PAPOLA: variants seen among roughly 807,000 people sequenced by gnomAD.
PAPOLA encodes polynucleotide adenylyltransferase alpha.
PAPOLA carries 15 observed loss-of-function variants against 100.6 expected under a neutral mutation model. That is an observed-to-expected ratio of 0.15 (90% CI 0.10 to 0.23). The LOEUF is 0.23. PAPOLA is among the 10% of genes least tolerant of loss of function. The pLI is 1.00. For missense variants in PAPOLA, 533 were observed against 884.2 expected (o/e 0.60, Z 5.04); for synonymous variants, 293 against 300.0 (o/e 0.98, Z 0.24).
Position 96,565,520 on chromosome 14 carries a change from A to G in PAPOLA, c.*470A>G, listed in dbSNP as rs1902203373. 1 of 410,008 alleles carries G rather than the reference A, an allele frequency of 2.4e-6. No individual in the cohort carries two copies. The highest frequency in any genetic ancestry group is 4.0e-5 in the Admixed American group (1 of 25,202). The allele number at this position is 410,008 out of a possible 1,614,324, so 25.4% of individuals were successfully genotyped here. ...AATTTTCTTTACCATTAGTCTTCAA[A>G]TTGGATACTGTTGTGCAGTGGTGTA... On this transcript the variant is annotated 3_prime_UTR_variant, in exon 22 of 22. Coordinates refer to ENST00000216277, the MANE Select transcript of PAPOLA (RefSeq NM_032632.5).
Position 96,552,581 on chromosome 14 carries a change from T to G in PAPOLA, c.1623T>G (p.Ala541=). The change falls in exon 17 of 22, where the codon GCT becomes GCG. Residue 541 remains alanine (A), a synonymous_variant. Transcript: ENST00000216277. ...TGTCTGTGCCTTCACCTACTAGTGC[T>G]ACGAAGACCAGTCCATTGAACAGTT... ...NSMSVPSPTS[A]TKTSPLNSSG... 1 of 1,614,126 alleles carries G rather than the reference T, an allele frequency of 6.2e-7. No individual in the cohort carries two copies. Among genetic ancestry groups the G allele is most frequent in the South Asian group, 1.1e-5 (1 of 91,084 alleles).
intron 9 of PAPOLA, chr14:96,533,082 A>T: frequency 4.1e-6 from 4 of 978,820 alleles, no homozygotes; most frequent in Non-Finnish European, 4.9e-6. Flanking sequence ...AATATTAAAG[A>T]TACGAATTTT....
chr14:96,537,086 A>G (rs747420447), intron 12 of PAPOLA, 26 bp downstream of exon 12: 13 of 1,242,534 alleles, frequency 1.0e-5, no homozygotes, highest in Admixed American at 1.0e-4. Flanking sequence ...CATGTCGGAC[A>G]TGTTGCTCTC....
At chr14:96,559,581 C>CTCTCTCTCTCTATATATATATA (rs370979875) in intron 19 of PAPOLA, among the ~76,000 whole-genome samples, 2 of 120,182 alleles carry the variant, frequency 1.7e-5, no homozygotes, top group Admixed American at 1.6e-4. Context: ...CTCTCTCTCT[C>CTCTCTCTCTCTATATATATATA]TATATATATA....
chr14:96,552,829 G>A (rs1390816030), intron 17 of PAPOLA: 2 of 531,172 alleles, frequency 3.8e-6, no homozygotes, highest in Non-Finnish European at 6.7e-6. Context: ...TTTTGAGACT[G>A]ATAATGTCTT....
intron 19 of PAPOLA, among the ~76,000 whole-genome samples, chr14:96,557,942 T>G (rs1222587027): frequency 6.6e-6 from 1 of 152,116 alleles, no homozygotes; most frequent in African/African-American, 2.4e-5. Flanking sequence ...TGTGTCATTT[T>G]TATTGTTGTA....
intron 6 of PAPOLA, among the ~76,000 whole-genome samples, chr14:96,530,077 T>C (rs1898861930): frequency 6.6e-6 from 1 of 152,214 alleles, no homozygotes; most frequent in South Asian, 2.1e-4. Flanking sequence ...ATGTTTGCCT[T>C]ATATTTGAGT....
intron 9 of PAPOLA, 36 bp downstream of exon 9, chr14:96,532,685 G>T (rs1225376619): frequency 2.6e-6 from 4 of 1,537,110 alleles, no homozygotes; most frequent in Non-Finnish European, 2.6e-6. Context: ...AAAATTGATT[G>T]TAGACACTGA....
At chr14:96,525,715 A>G (rs1372752091) in intron 4 of PAPOLA, among the ~76,000 whole-genome samples, 1 of 152,160 alleles carries the variant, frequency 6.6e-6, no homozygotes, top group Non-Finnish European at 1.5e-5. Context: ...TTGCATTGCT[A>G]CACTTCAGCC....
chr14:96,502,945 T>G, intron 1 of PAPOLA: 9 of 283,060 alleles, frequency 3.2e-5, no homozygotes, highest in Admixed American at 5.1e-5. Flanking sequence ...AAACAAAACA[T>G]TGCCTGGTGG....
At chr14:96,559,118 G>A (rs1235186590) in intron 19 of PAPOLA, among the ~76,000 whole-genome samples, 1 of 151,632 alleles carries the variant, frequency 6.6e-6, no homozygotes. Flanking sequence ...GAAGATAAGG[G>A]GTATTAGGTT....
chr14:96,547,005 G>A (rs937863304), intron 15 of PAPOLA, among the ~76,000 whole-genome samples: 3 of 152,120 alleles, frequency 2.0e-5, no homozygotes, highest in Non-Finnish European at 2.9e-5. Flanking sequence ...TCCAGGCTGA[G>A]CTTCCTATCC....
chr14:96,542,406 G>C (rs1900064300), intron 13 of PAPOLA, 110 bp downstream of exon 13: 2 of 685,436 alleles, frequency 2.9e-6, no homozygotes, highest in Middle Eastern at 3.1e-4. Flanking sequence ...AGTTTGGTTT[G>C]ATTTGTTCAC....
chr14:96,520,888 A>G (rs1897906383), intron 2 of PAPOLA, 118 bp from the exon 3 acceptor site: 1 of 667,944 alleles, frequency 1.5e-6, no homozygotes, highest in Non-Finnish European at 2.8e-6. Context: ...TAACTACAAT[A>G]TACTGTGCTT....
chr14:96,529,289 G>T (rs1197369095), intron 6 of PAPOLA, among the ~76,000 whole-genome samples: 1 of 152,010 alleles, frequency 6.6e-6, no homozygotes. Flanking sequence ...CAAATTGGGG[G>T]AGACTTTGAA....
chr14:96,545,331 TAAGAGTC>T (rs1380686061), intron 15 of PAPOLA, among the ~76,000 whole-genome samples: 1 of 152,014 alleles, frequency 6.6e-6, no homozygotes, highest in Non-Finnish European at 1.5e-5. Flanking sequence ...GAAGATAACT[TAAGAGTC>T]AAGTGATTGC....
rs538906599 is a variant in PAPOLA, at chr14:96,518,360, A to T, written c.9-1695A>T. Among the ~76,000 whole-genome samples, 18 of 152,254 alleles carry T rather than the reference A, an allele frequency of 1.2e-4. 1 individual carries two copies. The South Asian group carries it at 3.5e-3, about 30-fold the overall frequency. On this transcript the variant is annotated intron_variant, in intron 1 of 21. Coordinates refer to ENST00000216277, the MANE Select transcript of PAPOLA (RefSeq NM_032632.5). ...CCCAGTGGATTTGTTCAGTAAATGTATCATAAGCCTTACTTGCATAGCATT... is the reference window on the plus strand; with the variant it reads ...CCCAGTGGATTTGTTCAGTAAATGTTTCATAAGCCTTACTTGCATAGCATT...
intron 12 of PAPOLA, among the ~76,000 whole-genome samples, chr14:96,540,054 TAC>T (rs1361033754): frequency 6.6e-6 from 1 of 152,220 alleles, no homozygotes; most frequent in African/African-American, 2.4e-5. Context: ...GTAAGATATA[TAC>T]AGAGTAGGTA....
In PAPOLA at chr14:96,555,952, G is replaced by A; in HGVS notation, c.1765+5G>A. On this transcript the variant is annotated splice_donor_5th_base_variant and intron_variant, in intron 18 of 21. Coordinates refer to ENST00000216277, the MANE Select transcript of PAPOLA (RefSeq NM_032632.5). ...ATTCCAGTGAAAGCTCAGGGGGTAA[G>A]GAGATTGGGTTTGTCAGGTTTGAGA... 1 of 1,559,484 alleles carries A rather than the reference G, an allele frequency of 6.4e-7. No homozygotes were observed. Among genetic ancestry groups the A allele is most frequent in the Non-Finnish European group, 8.8e-7 (1 of 1,131,076 alleles).
Sources: gnomAD v4.1 joint callset for allele counts (sites outside exome capture counted in the v4.1 genomes callset) on GRCh38, gnomAD v4.1.1 for gene constraint, MANE v1.5 for transcripts, NCBI Gene and HGNC (gene_info 2026-07-23, HGNC 2026-07-21) for gene names.